TJP1: variants seen among roughly 807,000 people sequenced by gnomAD.
The protein encoded by TJP1 is tight junction protein ZO-1.
In TJP1, 43 loss-of-function variants were observed where a neutral mutation model predicts 194.2. The ratio of observed to expected loss-of-function variants is 0.22; its 90% confidence interval spans 0.17 to 0.29. The LOEUF is 0.29. TJP1 is among the 10% of genes least tolerant of loss of function. The pLI is 1.00. For missense variants in TJP1, 1,971 were observed against 2,185.7 expected (o/e 0.90, Z 1.96); for synonymous variants, 801 against 779.0 (o/e 1.03, Z -0.47).
intron 2 of TJP1, among the ~76,000 whole-genome samples, chr15:29,884,363 A>G (rs2152139948): frequency 6.6e-6 from 1 of 152,270 alleles, no homozygotes; most frequent in East Asian, 1.9e-4. Context: ...GGCCCAGTGA[A>G]TCTTAGAGGG....
At chr15:29,890,905 T>A (rs1023231599) in intron 2 of TJP1, among the ~76,000 whole-genome samples, 1 of 152,148 alleles carries the variant, frequency 6.6e-6, no homozygotes, top group African/African-American at 2.4e-5. Context: ...TGCAGCCCGG[T>A]GAAGCCTGCA....
At chr15:29,826,153 TAA>T, upstream of TJP1, among the ~76,000 whole-genome samples, 1 of 84,036 alleles carries the variant, frequency 1.2e-5, no homozygotes, top group East Asian at 4.3e-4. Flanking sequence ...TTTTTTTTTT[TAA>T]AAAGAAGACA....
chr15:29,758,206 A>C (rs1286143058), intron 8 of TJP1, among the ~76,000 whole-genome samples: 3 of 152,118 alleles, frequency 2.0e-5, no homozygotes, highest in Non-Finnish European at 4.4e-5. Flanking sequence ...TCACAGGTGG[A>C]TTTTTGACTG....
At chr15:29,933,276 G>A (rs1187781558) in intron 2 of TJP1, among the ~76,000 whole-genome samples, 1 of 152,150 alleles carries the variant, frequency 6.6e-6, no homozygotes, top group Non-Finnish European at 1.5e-5. Flanking sequence ...TGTTGACTTG[G>A]GAGGTCATGC....
At chr15:29,914,272 T>C (rs971515791) in intron 2 of TJP1, among the ~76,000 whole-genome samples, 1 of 152,198 alleles carries the variant, frequency 6.6e-6, no homozygotes, top group Non-Finnish European at 1.5e-5. Flanking sequence ...TATATTTATT[T>C]GGTAAACATT....
At chr15:29,858,097 T>C (rs1318359547) in intron 2 of TJP1, among the ~76,000 whole-genome samples, 1 of 152,210 alleles carries the variant, frequency 6.6e-6, no homozygotes, top group Non-Finnish European at 1.5e-5. Flanking sequence ...TCAGTAATTC[T>C]GCCTTCAGGA....
intron 2 of TJP1, among the ~76,000 whole-genome samples, chr15:29,872,281 A>C (rs1459750416): frequency 6.6e-6 from 1 of 152,214 alleles, no homozygotes; most frequent in East Asian, 1.9e-4. Flanking sequence ...ATTATGTGGC[A>C]ACCTGATTTT....
intron 2 of TJP1, among the ~76,000 whole-genome samples, chr15:29,848,324 T>C (rs1461164965): frequency 6.6e-6 from 1 of 152,220 alleles, no homozygotes; most frequent in Non-Finnish European, 1.5e-5. Context: ...TCAACTATAA[T>C]TGTGGGCTTG....
At chr15:29,769,898 TCTA>T (rs1263971892) in intron 4 of TJP1, among the ~76,000 whole-genome samples, 1 of 152,170 alleles carries the variant, frequency 6.6e-6, no homozygotes, top group Non-Finnish European at 1.5e-5. Context: ...GTGTACTCCC[TCTA>T]CTTATTTTTT....
intron 2 of TJP1, among the ~76,000 whole-genome samples, chr15:29,858,538 A>G (rs1482564367): frequency 1.3e-5 from 2 of 152,156 alleles, no homozygotes; most frequent in Non-Finnish European, 2.9e-5. Flanking sequence ...TAGCCACTGA[A>G]GAATTATTGC....
At chr15:29,951,189 A>C (rs968317070) in intron 2 of TJP1, among the ~76,000 whole-genome samples, 1 of 151,094 alleles carries the variant, frequency 6.6e-6, no homozygotes, top group African/African-American at 2.4e-5. Flanking sequence ...TTTTTTTGAG[A>C]TGGAGTCTTG....
chr15:29,827,635 C>T (rs1212635852), intron 2 of TJP1, among the ~76,000 whole-genome samples: 1 of 152,082 alleles, frequency 6.6e-6, no homozygotes, highest in East Asian at 1.9e-4. Context: ...TGGTGTTGCA[C>T]AATATAAACA....
intron 2 of TJP1, among the ~76,000 whole-genome samples, chr15:29,852,417 C>T (rs1045348237): frequency 2.6e-5 from 4 of 152,188 alleles, no homozygotes; most frequent in African/African-American, 9.7e-5. Flanking sequence ...TGAGACATCA[C>T]TGCATACCTG....
intron 2 of TJP1, among the ~76,000 whole-genome samples, chr15:29,799,314 G>A (rs2048622960): frequency 6.6e-6 from 1 of 151,992 alleles, no homozygotes; most frequent in Admixed American, 6.5e-5. Context: ...GGAAGGCCAT[G>A]TTGCAGGTTT....
chr15:29,833,991 TC>T (rs1345172454), intron 2 of TJP1, among the ~76,000 whole-genome samples: 3 of 98,556 alleles, frequency 3.0e-5, no homozygotes, highest in East Asian at 3.3e-4. Flanking sequence ...CACGCCATTC[TC>T]CTGCCTCAGC....
intron 6 of TJP1, among the ~76,000 whole-genome samples, chr15:29,761,973 G>A (rs1048358194): frequency 1.3e-5 from 2 of 152,124 alleles, no homozygotes; most frequent in Non-Finnish European, 2.9e-5. Flanking sequence ...AAAACCCATA[G>A]TAGCATCCCC....
At chr15:29,738,893 A>C (rs1029648002) in intron 10 of TJP1, among the ~76,000 whole-genome samples, 4 of 149,944 alleles carry the variant, frequency 2.7e-5, no homozygotes, top group African/African-American at 9.8e-5. Flanking sequence ...AAAAAAAAAA[A>C]TTAGCTGGGT....
chr15:29,812,288 A>G (rs1165242977), intron 1 of TJP1, among the ~76,000 whole-genome samples: 1 of 152,236 alleles, frequency 6.6e-6, no homozygotes, highest in African/African-American at 2.4e-5. Flanking sequence ...ATAATAATCC[A>G]TTAATGTACA....
In TJP1 at chr15:29,705,685, T is replaced by C; in HGVS notation, c.4911A>G (p.Arg1637=). ...CGCCCCCATTGCTGTTAAATATGCC[T>C]CGGGCTGTGGCCACCACAGTATGAC... ...EDGHTVVATA[R]GIFNSNGGVL... is the part of the protein sequence containing the mutation. The change falls in exon 26 of 28, where the codon CGA becomes CGG. Residue 1637 remains arginine, a synonymous_variant. Transcript: ENST00000614355. 1 of 1,614,118 alleles carries C rather than the reference T, an allele frequency of 6.2e-7. No individual in the cohort carries two copies. Among genetic ancestry groups the C allele is most frequent in the African/African-American group, 1.3e-5 (1 of 75,014 alleles).
Sources: gnomAD v4.1 joint callset for allele counts (sites outside exome capture counted in the v4.1 genomes callset) on GRCh38, gnomAD v4.1.1 for gene constraint, MANE v1.5 for transcripts, NCBI Gene and HGNC (gene_info 2026-07-23, HGNC 2026-07-21) for gene names.